Variants in UPF2 observed in about 807,000 individuals in gnomAD.
UPF2 encodes the protein UPF2 regulator of nonsense mediated mRNA decay.
In UPF2, 17 loss-of-function variants were observed where a neutral mutation model predicts 141.4. That is an observed-to-expected ratio of 0.12 (90% CI 0.08 to 0.18). The LOEUF is 0.18. Ranked by LOEUF, UPF2 falls within the 10% of genes least tolerant of loss-of-function variation. The pLI is 1.00. For synonymous variants in UPF2, 540 were observed against 498.0 expected (o/e 1.08, Z -1.12); for missense variants, 1,152 against 1,515.9 (o/e 0.76, Z 3.99).
intron 21 of UPF2, among the ~76,000 whole-genome samples, chr10:11,924,036 CA>C (rs1423185623): frequency 1.3e-5 from 2 of 152,088 alleles, no homozygotes. Context: ...TAACACTTGC[CA>C]AAAATGTTAA....
At position 11,951,980 on chromosome 10, in the gene UPF2, G is replaced by C. The variant is rs1833080765; in HGVS notation, c.3034+86C>G. 23 of 1,338,666 alleles carry C rather than the reference G, an allele frequency of 1.7e-5. No individual in the cohort carries two copies. The South Asian group carries it at 2.7e-4, about 16-fold the overall frequency. 82.9% of individuals were successfully genotyped at this position (1,338,666 alleles called of 1,614,324 possible). ...CGAAAATAGAAAAGATACAATGTAA[G>C]CTCTGACTGGTAACATTATAAAGCA... On this transcript the variant is annotated intron_variant, in intron 15 of 21. Coordinates refer to ENST00000357604, the MANE Select transcript of UPF2 (RefSeq NM_015542.4).
chr10:11,926,931 C>T lies in UPF2; in HGVS notation c.3809+2934G>A, dbSNP rs1832720051. On this transcript the variant is annotated intron_variant, in intron 21 of 21. Transcript: ENST00000357604. ...GTTAAGAAAGGCTTACCTCTGTTCA[C>T]ACGCACGTCGATGACAGCACACACA... is the stretch of plus-strand genomic sequence containing the variant. 3.3e-5 allele frequency among the ~76,000 whole-genome samples: 5 copies of T among 152,242 alleles called. No individual in the cohort carries two copies. The South Asian group carries it at 1.0e-3, about 31-fold the overall frequency.
At chr10:12,022,429 A>G (rs1025277906) in intron 3 of UPF2, among the ~76,000 whole-genome samples, 2 of 140,182 alleles carry the variant, frequency 1.4e-5, no homozygotes, top group African/African-American at 4.9e-5. Flanking sequence ...AAAAAAGAAA[A>G]AAATTATCTT....
At chr10:11,970,522 C>A (rs919703268) in intron 9 of UPF2, among the ~76,000 whole-genome samples, 2 of 151,878 alleles carry the variant, frequency 1.3e-5, no homozygotes, top group Admixed American at 6.6e-5. Context: ...AAACTACACA[C>A]TAAAACTGGC....
Position 11,964,046 on chromosome 10 carries a change from C to A in UPF2, c.2147G>T (p.Arg716Ile), listed in dbSNP as rs2131200880. ...LLETCGRFLF[R>I]SPESHLRTSV... Reference sequence around the variant, plus strand: ...GGTCCTCAGGTGAGATTCTGGAGATCTGAAAAGAAACCGTCCACATGTCTC... The same window carrying A: ...GGTCCTCAGGTGAGATTCTGGAGATATGAAAAGAAACCGTCCACATGTCTC... The change falls in exon 11 of 22, where the codon AGA becomes ATA. Residue 716 changes from arginine (R) to isoleucine (I), a missense_variant. Physicochemically the swap from Arg to Ile is moderately conservative, Grantham distance 97. This residue lies in a region of UPF2 where 739 missense variants were observed against 1,032.2 expected (regional missense o/e 0.72). Coordinates refer to ENST00000357604, the MANE Select transcript of UPF2 (RefSeq NM_015542.4). 2 of 1,613,972 alleles carry A rather than the reference C, an allele frequency of 1.2e-6. No homozygotes were observed. The highest frequency in any genetic ancestry group is 1.7e-6 in the Non-Finnish European group (2 of 1,179,918).
intron 2 of UPF2, 78 bp from the exon 3 acceptor site, chr10:12,029,602 GC>G: frequency 7.0e-7 from 1 of 1,426,972 alleles, no homozygotes; most frequent in Non-Finnish European, 9.4e-7. Flanking sequence ...AGAGTAAAAA[GC>G]CAATGAAAAA....
Position 12,028,920 on chromosome 10 carries a change from G to A in UPF2, c.970C>T (p.Pro324Ser). ...TCTGCAGCACTCTTTACTTTCCTTGGTACAAGTCCAGCAATATCATCTCCA... is the reference window on the plus strand; with the variant it reads ...TCTGCAGCACTCTTTACTTTCCTTGATACAAGTCCAGCAATATCATCTCCA... Reference protein sequence around the residue: ...HCGDDIAGLVPRKVKSAAEKF... With the variant: ...HCGDDIAGLVSRKVKSAAEKF... Residue 324 changes from proline (P) to serine (S), a missense_variant, in exon 3 of 22, where the codon CCA becomes TCA. Pro to Ser is a moderately conservative substitution (Grantham distance 74, BLOSUM62 -1). Around this residue, in one of 4 missense-constraint regions of UPF2, gnomAD observed 739 missense variants for 1,032.2 expected, o/e 0.72. Coordinates refer to ENST00000357604, the MANE Select transcript of UPF2 (RefSeq NM_015542.4). 6.2e-7 allele frequency: 1 copy of A among 1,614,040 alleles called. No homozygotes were observed. The highest frequency in any genetic ancestry group is 1.1e-5 in the South Asian group (1 of 91,060).
At position 12,014,200 on chromosome 10, in the gene UPF2, A is replaced by G. The variant is rs1488203324; in HGVS notation, c.1146-16T>C. The G allele has an allele frequency of 2.2e-6, 3 of 1,381,788 alleles. No individual in the cohort carries two copies. Among genetic ancestry groups the G allele is most frequent in the East Asian group, 2.7e-5 (1 of 36,656 alleles). 85.6% of individuals were successfully genotyped at this position (1,381,788 alleles called of 1,614,324 possible). ...TAGAATGCGCCTATAAACAAATGAA[A>G]TCATCTGACAGTCTTATCAAAATAG... On this transcript the variant is annotated splice_polypyrimidine_tract_variant and intron_variant, in intron 3 of 21. Transcript: ENST00000357604. This position sits in a 1 kb window ranked among gnomAD's most constrained non-coding sequence, Gnocchi z 5.0.
chr10:11,992,606 C>T lies in UPF2; in HGVS notation c.1844+5066G>A, dbSNP rs1342816020. Among the ~76,000 whole-genome samples, 3 of 151,924 alleles carry T rather than the reference C, an allele frequency of 2.0e-5. No individual in the cohort carries two copies. The highest frequency in any genetic ancestry group is 4.4e-5 in the Non-Finnish European group (3 of 67,988). On this transcript the variant is annotated intron_variant, in intron 8 of 21. Coordinates refer to ENST00000357604, the MANE Select transcript of UPF2 (RefSeq NM_015542.4). The surrounding 1 kb of genome is among the most constrained non-coding windows in gnomAD (Gnocchi z 4.1). ...ACACTAAATTAAAAAATATAAAAGA[C>T]CACATAATGAAAGACTTTTAGGAAT...
Position 11,967,545 on chromosome 10 carries a change from A to G in UPF2, c.1954-91T>C. On this transcript the variant is annotated intron_variant, in intron 9 of 21. Coordinates refer to ENST00000357604, the MANE Select transcript of UPF2 (RefSeq NM_015542.4). ...ATTTTAATGCATTCGAATTCACTCC[A>G]GTTTTTTTTTTTTTTTTTTTTTTGA... The G allele has an allele frequency of 1.0e-5, 4 of 389,202 alleles. No individual in the cohort carries two copies. In the South Asian group the frequency reaches 1.5e-4, roughly 15 times the overall value. The allele number at this position is 389,202 out of a possible 1,614,324, so 24.1% of individuals were successfully genotyped here. A position where few individuals can be genotyped will look rare whatever the true frequency, so the allele number is the denominator to read the frequency against.
rs1441854101 is a variant in UPF2 at position 11,926,306 on chromosome 10, G to A, written c.3809+3559C>T. Among the ~76,000 whole-genome samples the A allele has an allele frequency of 2.6e-5, 4 of 152,216 alleles. No individual in the cohort carries two copies. In the East Asian group the frequency reaches 7.7e-4, roughly 29 times the overall value. On this transcript the variant is annotated intron_variant, in intron 21 of 21. Coordinates refer to ENST00000357604, the MANE Select transcript of UPF2 (RefSeq NM_015542.4). ...AGAGGAGTCTGGGGCAGGGGCACGAGTCTTCCATCTCTGAGTCACAGTGGG... is the reference window on the plus strand; with the variant it reads ...AGAGGAGTCTGGGGCAGGGGCACGAATCTTCCATCTCTGAGTCACAGTGGG...
chr10:12,012,794 G>A lies in UPF2; in HGVS notation c.1306+1230C>T, dbSNP rs1402398664. Among the ~76,000 whole-genome samples the A allele has an allele frequency of 1.2e-4, 15 of 126,592 alleles. No homozygotes were observed. The South Asian group carries it at 2.3e-3, about 19-fold the overall frequency. 83.0% of individuals were successfully genotyped at this position (126,592 alleles called of 152,430 possible). A position where few individuals can be genotyped will look rare whatever the true frequency, so the allele number is the denominator to read the frequency against. On this transcript the variant is annotated intron_variant, in intron 4 of 21. Coordinates refer to ENST00000357604, the MANE Select transcript of UPF2 (RefSeq NM_015542.4). ...AGCCTGGGCAACAGAGCAAGACTCC[G>A]CCAAAAAAAAAAAAAAAAACATTTA...
intron 21 of UPF2, among the ~76,000 whole-genome samples, chr10:11,923,699 C>T (rs1832675929): frequency 6.7e-6 from 1 of 148,686 alleles, no homozygotes; most frequent in African/African-American, 2.5e-5. Context: ...ATTAGCTGGG[C>T]GTGGTGGCAC....
rs1231282047 is a variant in UPF2 at position 12,014,534 on chromosome 10, A to G, written c.1146-350T>C. On this transcript the variant is annotated intron_variant, in intron 3 of 21. Transcript: ENST00000357604. This position sits in a 1 kb window ranked among gnomAD's most constrained non-coding sequence, Gnocchi z 5.0. ...AAAACTAGCACAACTACACAAGCCA[A>G]TTTTCAAAAGAAACAGGTTATACAA... 6.6e-6 allele frequency among the ~76,000 whole-genome samples: 1 copy of G among 152,182 alleles called. No individual in the cohort carries two copies. Among genetic ancestry groups the G allele is most frequent in the Non-Finnish European group, 1.5e-5 (1 of 68,024 alleles).
At chr10:11,957,963 G>A (rs1179373358) in intron 12 of UPF2, among the ~76,000 whole-genome samples, 1 of 151,968 alleles carries the variant, frequency 6.6e-6, no homozygotes, top group African/African-American at 2.4e-5. Flanking sequence ...GTAAAACGGG[G>A]GATAACAAAA....
intron 5 of UPF2, among the ~76,000 whole-genome samples, chr10:12,002,379 T>G (rs943983883): frequency 6.6e-6 from 1 of 152,056 alleles, no homozygotes; most frequent in South Asian, 2.1e-4. Context: ...TGGAGAGAGA[T>G]TGTGTGGATG....
intron 9 of UPF2, among the ~76,000 whole-genome samples, chr10:11,973,992 T>C (rs1007817296): frequency 2.0e-5 from 3 of 152,200 alleles, no homozygotes; most frequent in Non-Finnish European, 4.4e-5. Context: ...GCCATTTTCA[T>C]GATATTGATT....
intron 11 of UPF2, among the ~76,000 whole-genome samples, chr10:11,961,074 C>T (rs111780559): frequency 1.9e-4 from 26 of 138,678 alleles, no homozygotes; most frequent in African/African-American, 5.2e-4. Context: ...TGGGCAACAG[C>T]GGGAGACCCT....
At chr10:12,025,340 C>A (rs1834400434) in intron 3 of UPF2, among the ~76,000 whole-genome samples, 1 of 152,110 alleles carries the variant, frequency 6.6e-6, no homozygotes, top group Non-Finnish European at 1.5e-5. Context: ...CACCTGAGGT[C>A]AGGAGTTTGA....
Sources: allele counts gnomAD v4.1 joint callset (sites outside exome capture counted in the v4.1 genomes callset), GRCh38; gene constraint gnomAD v4.1.1; regional missense constraint gnomAD v4.1.1; non-coding constraint Gnocchi (gnomAD v3.1); transcripts MANE v1.5; gene names NCBI Gene and HGNC (gene_info 2026-07-23, HGNC 2026-07-21).